TRPM1: variants seen among roughly 807,000 people sequenced by gnomAD.
TRPM1 encodes transient receptor potential cation channel subfamily M member 1, also known as TRPM1-203 APA Isoform, Intron 10.
Under a neutral mutation model 149.4 loss-of-function variants are expected in TRPM1, and 113 were observed. The observed-to-expected ratio is 0.76, with a 90% CI of 0.65 to 0.88. The LOEUF (loss-of-function observed/expected upper bound fraction) is 0.88. Ranked by LOEUF, TRPM1 falls within the 40% of genes least tolerant of loss-of-function variation. The pLI, the probability that TRPM1 is intolerant of heterozygous loss-of-function variation, is 0.00. For missense variants in TRPM1, 1,976 were observed against 2,038.7 expected (o/e 0.97, Z 0.59); for synonymous variants, 741 against 759.5 (o/e 0.98, Z 0.40).
At chr15:31,077,586 T>C (rs992343017) in intron 2 of TRPM1, among the ~76,000 whole-genome samples, 1 of 151,526 alleles carries the variant, frequency 6.6e-6, no homozygotes, top group Non-Finnish European at 1.5e-5. Context: ...TTCCTGCAGG[T>C]GGGAGGGAGG....
Position 31,063,290 on chromosome 15 carries a change from G to A in TRPM1, c.793C>T (p.Leu265=), listed in dbSNP as rs2034287079. The stretch of plus-strand genomic sequence containing the variant: ...CCCACGAGGGGCACGCCCTGCCCCA[G>A]TCCTGCAACACAAACCACATTCGCC... ...HISLQKINTR[L]GQGVPLVGLV... Residue 265 remains leucine (L), a splice_region_variant and synonymous_variant, in exon 8 of 28, where the codon CTG becomes TTG. Transcript: ENST00000256552. 1 of 1,614,034 alleles carries A rather than the reference G, an allele frequency of 6.2e-7. No individual in the cohort carries two copies. Among genetic ancestry groups the A allele is most frequent in the Non-Finnish European group, 8.5e-7 (1 of 1,180,016 alleles).
At chr15:31,026,048 T>A in intron 27 of TRPM1, 91 bp downstream of exon 27, 1 of 1,567,902 alleles carries the variant, frequency 6.4e-7, no homozygotes, top group Admixed American at 1.7e-5. Flanking sequence ...GGAGTGCATG[T>A]TTAAATGAAC....
At chr15:31,093,606 T>G (rs1357811368) in intron 1 of TRPM1, among the ~76,000 whole-genome samples, 5 of 151,078 alleles carry the variant, frequency 3.3e-5, no homozygotes, top group Non-Finnish European at 5.9e-5. Flanking sequence ...TTTTTTTTTT[T>G]GTTTTTTTAT....
intron 23 of TRPM1, among the ~76,000 whole-genome samples, chr15:31,029,850 A>G (rs567361586): frequency 6.6e-6 from 1 of 152,292 alleles, no homozygotes; most frequent in Admixed American, 6.5e-5. Flanking sequence ...AGCACAGCCT[A>G]AAGTTTACCT....
intron 27 of TRPM1, among the ~76,000 whole-genome samples, chr15:31,019,909 T>G (rs759712921): frequency 5.9e-5 from 9 of 152,078 alleles, no homozygotes; most frequent in Non-Finnish European, 1.3e-4. Flanking sequence ...CCTCAAGTGA[T>G]CCGCCCACCT....
At chr15:31,109,130 A>G (rs2035647690) in intron 1 of TRPM1, among the ~76,000 whole-genome samples, 1 of 152,070 alleles carries the variant, frequency 6.6e-6, no homozygotes, top group Non-Finnish European at 1.5e-5. Flanking sequence ...ATCAGCTTTG[A>G]CACGCAAGAG....
In TRPM1 at chr15:31,024,094, G is replaced by A. The variant is rs760961050; in HGVS notation, c.3629+2045C>T. ...AGCTCTGAAAGCTACCAAGACAACA[G>A]GGAGACAAGGCAGGGGCTGACATGC... On this transcript the variant is annotated intron_variant, in intron 27 of 27. Transcript: ENST00000256552. 1.5e-4 allele frequency among the ~76,000 whole-genome samples: 23 copies of A among 152,280 alleles called. No homozygotes were observed. In the East Asian group the frequency reaches 2.5e-3, roughly 17 times the overall value.
chr15:31,097,122 G>C (rs1567053104), intron 1 of TRPM1, among the ~76,000 whole-genome samples: 1 of 152,104 alleles, frequency 6.6e-6, no homozygotes, highest in Non-Finnish European at 1.5e-5. Flanking sequence ...AAAACAATTG[G>C]GGTCTTTTCT....
At chr15:31,084,022 C>T (rs1313336145) in intron 1 of TRPM1, among the ~76,000 whole-genome samples, 1 of 152,120 alleles carries the variant, frequency 6.6e-6, no homozygotes, top group Non-Finnish European at 1.5e-5. Context: ...TGCTGGAGGT[C>T]GTCACAGCCG....
intron 1 of TRPM1, among the ~76,000 whole-genome samples, chr15:31,087,788 G>A (rs2035043787): frequency 6.6e-6 from 1 of 152,182 alleles, no homozygotes; most frequent in Non-Finnish European, 1.5e-5. Context: ...GCTGTGTGAT[G>A]TGCGGTACCA....
At chr15:31,104,281 G>A (rs2035567992), upstream of TRPM1, among the ~76,000 whole-genome samples, 1 of 152,128 alleles carries the variant, frequency 6.6e-6, no homozygotes, top group Admixed American at 6.5e-5. Context: ...ACCTGTGTGG[G>A]GCCCTGATGA....
chr15:31,038,312 T>G, intron 18 of TRPM1, 146 bp from the exon 19 acceptor site: 1 of 932,708 alleles, frequency 1.1e-6, no homozygotes, highest in Non-Finnish European at 1.6e-6. Flanking sequence ...TTCTGTGACA[T>G]GTGCTTGGTA....
intron 27 of TRPM1, among the ~76,000 whole-genome samples, chr15:31,023,340 AAGG>A (rs1008729888): frequency 1.3e-5 from 2 of 152,258 alleles, no homozygotes; most frequent in Non-Finnish European, 2.9e-5. Flanking sequence ...ACAGAGCATG[AAGG>A]AGAAGATAGT....
intron 1 of TRPM1, among the ~76,000 whole-genome samples, chr15:31,090,684 C>T (rs1377739374): frequency 6.6e-6 from 1 of 151,630 alleles, no homozygotes; most frequent in Admixed American, 6.6e-5. Context: ...TGGAAAAAAT[C>T]TTCCCAACAA....
intron 27 of TRPM1, among the ~76,000 whole-genome samples, chr15:31,020,468 C>T (rs573684088): frequency 1.2e-4 from 19 of 152,316 alleles, no homozygotes; most frequent in Admixed American, 6.5e-4. Flanking sequence ...ACGGTGTCAC[C>T]GATGAAGGTC....
chr15:31,112,117 G>A (rs2035698113), intron 1 of TRPM1, among the ~76,000 whole-genome samples: 1 of 152,220 alleles, frequency 6.6e-6, no homozygotes, highest in African/African-American at 2.4e-5. Flanking sequence ...GACAAGTGCT[G>A]GAAAGTGTGG....
intron 1 of TRPM1, among the ~76,000 whole-genome samples, chr15:31,132,877 A>T (rs1168786766): frequency 6.6e-6 from 1 of 152,216 alleles, no homozygotes; most frequent in African/African-American, 2.4e-5. Context: ...GCCTGCTGCT[A>T]TGTAAGACAG....
chr15:31,048,219 C>T (rs1348807087), intron 13 of TRPM1, among the ~76,000 whole-genome samples: 1 of 152,062 alleles, frequency 6.6e-6, no homozygotes, highest in Non-Finnish European at 1.5e-5. Context: ...AAGATTGCAC[C>T]ACTATACTCC....
At chr15:31,084,723 G>A (rs11634362) in intron 1 of TRPM1, among the ~76,000 whole-genome samples, 15,236 of 147,596 alleles carry the variant, frequency 0.1, 1,139 homozygotes, top group African/African-American at 0.21. Context: ...GCCTAGGCTG[G>A]AGTGCAGTGG....
Sources: gnomAD v4.1 joint callset for allele counts (sites outside exome capture counted in the v4.1 genomes callset) on GRCh38, gnomAD v4.1.1 for gene constraint, MANE v1.5 for transcripts, NCBI Gene and HGNC (gene_info 2026-07-23, HGNC 2026-07-21) for gene names.